The following MACC1 variants were observed in gnomAD, a reference collection of about 807,000 sequenced individuals.
MACC1 encodes metastasis-associated in colon cancer protein 1.
Under a neutral mutation model 70.7 loss-of-function variants are expected in MACC1, and 79 were observed. That is an observed-to-expected ratio of 1.12 (90% CI 0.93 to 1.35). The LOEUF (loss-of-function observed/expected upper bound fraction) is 1.35. Among genes scored for constraint, MACC1 ranks in the 40% most tolerant of loss-of-function variants. The pLI is 0.00. For synonymous variants in MACC1, 361 were observed against 347.2 expected (o/e 1.04, Z -0.44); for missense variants, 1,106 against 978.1 (o/e 1.13, Z -1.74).
chr7:20,203,780 T>C (rs927586588), intron 1 of MACC1, among the ~76,000 whole-genome samples: 6 of 152,200 alleles, frequency 3.9e-5, no homozygotes, highest in African/African-American at 1.4e-4. Context: ...CTTTCTGGTA[T>C]CTGAAATCAA....
At chr7:20,212,206 T>C (rs953619320) in intron 1 of MACC1, among the ~76,000 whole-genome samples, 2 of 152,238 alleles carry the variant, frequency 1.3e-5, no homozygotes, top group Non-Finnish European at 2.9e-5. Flanking sequence ...ACATAAGTCT[T>C]TGCAATATCT....
chr7:20,165,510 A>G lies in MACC1; in HGVS notation c.-152-1111T>C, dbSNP rs1262991597. ...CCATCCTAAATCTAAATTTTTTTCTATGAATCCAAGGAGAGGTGGTATAGG... is the reference window on the plus strand; with the variant it reads ...CCATCCTAAATCTAAATTTTTTTCTGTGAATCCAAGGAGAGGTGGTATAGG... On this transcript the variant is annotated intron_variant, in intron 2 of 6. Transcript: ENST00000400331. Among the ~76,000 whole-genome samples the G allele has an allele frequency of 4.1e-5, 6 of 145,188 alleles. No homozygotes were observed. The Admixed American group carries it at 4.3e-4, about 10-fold the overall frequency.
At chr7:20,149,226 GCTAA>G (rs1265364106) in intron 6 of MACC1, among the ~76,000 whole-genome samples, 4 of 151,984 alleles carry the variant, frequency 2.6e-5, no homozygotes, top group African/African-American at 4.8e-5. Flanking sequence ...TGAAATAACT[GCTAA>G]CTTTTTCCTT....
At chr7:20,183,671 CAGTTATTCAAGTCAGGGTCCTTCA>C (rs1319196936) in intron 1 of MACC1, among the ~76,000 whole-genome samples, 1 of 151,266 alleles carries the variant, frequency 6.6e-6, no homozygotes, top group African/African-American at 2.4e-5. Context: ...CTAATTCCAA[CAGTTATTCAAGTCAGGGTCCTTCA>C]ATACCTGATT....
chr7:20,149,961 C>A (rs1484487873), intron 6 of MACC1, among the ~76,000 whole-genome samples: 1 of 152,144 alleles, frequency 6.6e-6, no homozygotes, highest in East Asian at 1.9e-4. Context: ...GGATAAATTA[C>A]ACAAATACAT....
At chr7:20,195,634 A>G (rs1233169588) in intron 1 of MACC1, among the ~76,000 whole-genome samples, 1 of 152,236 alleles carries the variant, frequency 6.6e-6, no homozygotes, top group Non-Finnish European at 1.5e-5. Flanking sequence ...ACAAAGGCAC[A>G]CAAGTGTGCA....
intron 5 of MACC1, among the ~76,000 whole-genome samples, chr7:20,156,698 T>C (rs1236354624): frequency 6.6e-6 from 1 of 152,164 alleles, no homozygotes; most frequent in Non-Finnish European, 1.5e-5. Context: ...ATATAGGAGC[T>C]TTTGAATTTC....
chr7:20,164,894 T>TA (rs11412245), intron 2 of MACC1, among the ~76,000 whole-genome samples: 1 of 26,144 alleles, frequency 3.8e-5, no homozygotes, highest in East Asian at 9.6e-3. Context: ...ACCTAAACTC[T>TA]TTTTTTTTTT....
At chr7:20,208,765 G>A (rs780955883) in intron 1 of MACC1, among the ~76,000 whole-genome samples, 2 of 152,196 alleles carry the variant, frequency 1.3e-5, no homozygotes, top group Non-Finnish European at 2.9e-5. Context: ...TGTCTCCGGG[G>A]CATGTCAGAG....
rs550016935 is a variant in MACC1 at position 20,208,903 on chromosome 7, C to T, written c.-218+8396G>A. Among the ~76,000 whole-genome samples, 3 of 152,334 alleles carry T rather than the reference C, an allele frequency of 2.0e-5. No individual in the cohort carries two copies. In the South Asian group the frequency reaches 6.2e-4, roughly 32 times the overall value. On this transcript the variant is annotated intron_variant, in intron 1 of 6. Coordinates refer to ENST00000400331, the MANE Select transcript of MACC1 (RefSeq NM_182762.4). ...ATGGTTCCCTGTGTCCCAGCTGCTT[C>T]ACCTCCAGTCATGGCTAAAAGGGAT... is the stretch of plus-strand genomic sequence containing the variant.
At chr7:20,143,187 T>A (rs1245722439) in intron 6 of MACC1, among the ~76,000 whole-genome samples, 1 of 152,206 alleles carries the variant, frequency 6.6e-6, no homozygotes, top group Non-Finnish European at 1.5e-5. Context: ...GGACTGTGAA[T>A]TGCTATGTGT....
rs755186108 is a variant in MACC1 at position 20,160,211 on chromosome 7, C to T, written c.150G>A (p.Pro50=). The T allele has an allele frequency of 1.6e-5, 25 of 1,585,214 alleles. No individual in the cohort carries two copies. Among genetic ancestry groups the T allele is most frequent in the Admixed American group, 3.8e-5 (2 of 53,024 alleles). Residue 50 remains proline, a synonymous_variant, in exon 5 of 7, where the codon CCG becomes CCA. Transcript: ENST00000400331. ...TATTACCACGAAGGGTGAAAGCATC[C>T]GGCCAATTGTGAAGCAAGTCTGGGT... ...CQDPDLLHNW[P]DAFTLRGNNA... is the part of the protein sequence containing the mutation.
intron 1 of MACC1, among the ~76,000 whole-genome samples, chr7:20,188,331 C>T (rs1325949371): frequency 6.6e-6 from 1 of 152,160 alleles, no homozygotes; most frequent in Non-Finnish European, 1.5e-5. Flanking sequence ...TTTCTCATTA[C>T]TGTGGGTGAG....
At chr7:20,155,104 C>A (rs1782036682) in intron 5 of MACC1, among the ~76,000 whole-genome samples, 1 of 152,134 alleles carries the variant, frequency 6.6e-6, no homozygotes, top group Admixed American at 6.6e-5. Context: ...CCTAACCATG[C>A]ATGTTTCAAA....
chr7:20,143,334 G>C (rs959232123), intron 6 of MACC1, among the ~76,000 whole-genome samples: 1 of 152,280 alleles, frequency 6.6e-6, no homozygotes, highest in East Asian at 1.9e-4. Context: ...ATGCACTTAC[G>C]CAGAGCACCA....
At position 20,141,215 on chromosome 7, in the gene MACC1, G is replaced by A. The variant is rs145820322; in HGVS notation, c.2347-57C>T. On this transcript the variant is annotated intron_variant, in intron 6 of 6. Transcript: ENST00000400331. ...TGGAAGTAGAAAGGAGAGGAAAATC[G>A]TTTTTAAAAAAAAGATGTAAAAAGC... is the stretch of plus-strand genomic sequence containing the variant. The A allele has an allele frequency of 7.6e-4, 925 of 1,223,800 alleles. 5 individuals are homozygous for A. In the African/African-American group the frequency reaches 0.012, roughly 16 times the overall value. 75.8% of individuals were successfully genotyped at this position (1,223,800 alleles called of 1,614,324 possible). A position where few individuals can be genotyped will look rare whatever the true frequency, so the allele number is the denominator to read the frequency against.
rs1562576802 is a variant in MACC1 at position 20,138,179 on chromosome 7, A to AAAAAAAAAAAAAAAAAAAAAAAC, written c.*2766_*2767insGTTTTTTTTTTTTTTTTTTTTTT. On this transcript the variant is annotated 3_prime_UTR_variant, in exon 7 of 7. Transcript: ENST00000400331. ...AAAAAAAAAAAAAAAAAAAAAAAAAAAAATTTCCCCTGGAAGGATTTGTTA... is the reference window on the plus strand; with the variant it reads ...AAAAAAAAAAAAAAAAAAAAAAAAAAAAAAAAAAAAAAAAAAAAAAAACAAATTTCCCCTGGAAGGATTTGTTA... The AAAAAAAAAAAAAAAAAAAAAAAC allele has an allele frequency of 5.0e-5, 7 of 139,448 alleles. No homozygotes were observed. The highest frequency in any genetic ancestry group is 9.3e-5 in the Non-Finnish European group (6 of 64,300). The allele number at this position is 139,448 out of a possible 1,614,324, so 8.6% of individuals were successfully genotyped here.
chr7:20,154,485 T>G lies in MACC1; in HGVS notation c.2158-104A>C, dbSNP rs1049696589. On this transcript the variant is annotated intron_variant, in intron 5 of 6. Coordinates refer to ENST00000400331, the MANE Select transcript of MACC1 (RefSeq NM_182762.4). Reference sequence around the variant, plus strand: ...TATTCTACAAATGGGAGTCCTTTTTTTTCACTACACGTATAATCGAGTTTT... The same window carrying G: ...TATTCTACAAATGGGAGTCCTTTTTGTTCACTACACGTATAATCGAGTTTT... 4.3e-5 allele frequency: 50 copies of G among 1,154,652 alleles called. No homozygotes were observed. The Admixed American group carries it at 1.4e-3, about 33-fold the overall frequency. The allele number at this position is 1,154,652 out of a possible 1,614,324, so 71.5% of individuals were successfully genotyped here. A position where few individuals can be genotyped will look rare whatever the true frequency, so the allele number is the denominator to read the frequency against.
intron 1 of MACC1, among the ~76,000 whole-genome samples, chr7:20,176,057 G>A (rs1331987233): frequency 6.6e-6 from 1 of 152,000 alleles, no homozygotes; most frequent in Non-Finnish European, 1.5e-5. Flanking sequence ...TAGGGCAGGT[G>A]TGGAAATCAA....
Sources: allele counts gnomAD v4.1 joint callset (sites outside exome capture counted in the v4.1 genomes callset), GRCh38; gene constraint gnomAD v4.1.1; transcripts MANE v1.5; gene names NCBI Gene and HGNC (gene_info 2026-07-23, HGNC 2026-07-21).